Variants in STK32B observed in about 807,000 individuals in gnomAD.
STK32B encodes serine/threonine kinase 32B.
Under a neutral mutation model 52.6 loss-of-function variants are expected in STK32B, and 43 were observed. The observed-to-expected ratio is 0.82, with a 90% confidence interval of 0.64 to 1.05. STK32B has a LOEUF of 1.05. STK32B is among the 50% of genes least tolerant of loss of function. STK32B has a pLI of 0.00. For synonymous variants in STK32B, 238 were observed against 204.3 expected (o/e 1.17, Z -1.41); for missense variants, 621 against 534.6 (o/e 1.16, Z -1.59).
At chr4:5,183,553 A>G (rs1276600486) in intron 3 of STK32B, among the ~76,000 whole-genome samples, 1 of 152,196 alleles carries the variant, frequency 6.6e-6, no homozygotes, top group Non-Finnish European at 1.5e-5. Flanking sequence ...AAAGTCCTAG[A>G]TGGCATCTAC....
At chr4:5,085,884 A>C (rs1255919962) in intron 1 of STK32B, among the ~76,000 whole-genome samples, 1 of 152,288 alleles carries the variant, frequency 6.6e-6, no homozygotes, top group East Asian at 1.9e-4. Context: ...AGAGCAGAAG[A>C]GACCTTTTTC....
chr4:5,163,210 A>G (rs1051364015), intron 2 of STK32B, among the ~76,000 whole-genome samples: 1 of 152,174 alleles, frequency 6.6e-6, no homozygotes, highest in African/African-American at 2.4e-5. Flanking sequence ...TAATGTGGAG[A>G]GTCATGAGTG....
At chr4:5,138,214 T>C (rs562326281) in intron 1 of STK32B, among the ~76,000 whole-genome samples, 7 of 152,340 alleles carry the variant, frequency 4.6e-5, no homozygotes, top group Non-Finnish European at 8.8e-5. Context: ...GTCTCTCTAT[T>C]CTAAGCACGT....
intron 4 of STK32B, among the ~76,000 whole-genome samples, chr4:5,382,828 C>A (rs1057347785): frequency 6.6e-6 from 1 of 152,186 alleles, no homozygotes; most frequent in Non-Finnish European, 1.5e-5. Context: ...TACAGACAGA[C>A]ATGATTAGCT....
intron 1 of STK32B, among the ~76,000 whole-genome samples, chr4:5,052,995 C>A (rs1386009395): frequency 6.6e-6 from 1 of 152,214 alleles, no homozygotes; most frequent in Non-Finnish European, 1.5e-5. Context: ...GCAGGACAGT[C>A]TGCTTTGAAA....
chr4:5,155,955 A>G (rs1260349574), intron 2 of STK32B, among the ~76,000 whole-genome samples: 1 of 152,110 alleles, frequency 6.6e-6, no homozygotes, highest in Non-Finnish European at 1.5e-5. Context: ...ATATACATAT[A>G]CATAGATATG....
chr4:5,114,697 G>A (rs144789196), intron 1 of STK32B, among the ~76,000 whole-genome samples: 1 of 152,022 alleles, frequency 6.6e-6, no homozygotes, highest in East Asian at 1.9e-4. Flanking sequence ...CAAACAACTC[G>A]CTCCCGTCTT....
intron 3 of STK32B, among the ~76,000 whole-genome samples, chr4:5,246,027 T>C (rs1348069465): frequency 6.6e-6 from 1 of 152,202 alleles, no homozygotes; most frequent in Non-Finnish European, 1.5e-5. Context: ...ATTTCAACTT[T>C]GGTGAATCTG....
chr4:5,485,232 G>C (rs939626431), intron 11 of STK32B, among the ~76,000 whole-genome samples: 1 of 152,062 alleles, frequency 6.6e-6, no homozygotes, highest in Non-Finnish European at 1.5e-5. Context: ...ACACCAATCA[G>C]ATGTAGATTT....
At chr4:5,244,062 C>A (rs1317345898) in intron 3 of STK32B, among the ~76,000 whole-genome samples, 1 of 151,608 alleles carries the variant, frequency 6.6e-6, no homozygotes, top group African/African-American at 2.4e-5. Context: ...TGTCTCTGCT[C>A]AGCTTTGGTA....
intron 3 of STK32B, among the ~76,000 whole-genome samples, chr4:5,264,967 T>G (rs1726967856): frequency 6.6e-6 from 1 of 152,204 alleles, no homozygotes; most frequent in Admixed American, 6.5e-5. Context: ...CCATTTTTCT[T>G]CTTTATGTTC....
intron 3 of STK32B, among the ~76,000 whole-genome samples, chr4:5,309,231 G>C (rs138384129): frequency 6.6e-6 from 1 of 152,004 alleles, no homozygotes; most frequent in African/African-American, 2.4e-5. Context: ...AGCGATGAAA[G>C]AAAATGAAGA....
At chr4:5,409,666 C>T (rs1301592010) in intron 5 of STK32B, among the ~76,000 whole-genome samples, 1 of 152,074 alleles carries the variant, frequency 6.6e-6, no homozygotes, top group African/African-American at 2.4e-5. Flanking sequence ...ATGGGGGCAC[C>T]AGAATTAGCT....
intron 4 of STK32B, among the ~76,000 whole-genome samples, chr4:5,392,836 C>A (rs1242124551): frequency 6.6e-6 from 1 of 152,210 alleles, no homozygotes; most frequent in African/African-American, 2.4e-5. Flanking sequence ...CCCTGACACA[C>A]AACCAACACT....
chr4:5,259,741 G>T (rs1726574927), intron 3 of STK32B, among the ~76,000 whole-genome samples: 2 of 152,100 alleles, frequency 1.3e-5, no homozygotes, highest in Admixed American at 6.5e-5. Flanking sequence ...GAGCTCTGAG[G>T]CCCAACTCTT....
intron 11 of STK32B, among the ~76,000 whole-genome samples, chr4:5,479,039 G>A (rs1718456488): frequency 6.6e-6 from 1 of 152,092 alleles, no homozygotes; most frequent in Admixed American, 6.5e-5. Context: ...CCAGGGGGAG[G>A]CAGGAGACAG....
intron 3 of STK32B, among the ~76,000 whole-genome samples, chr4:5,319,851 G>T (rs1731370890): frequency 6.6e-6 from 1 of 152,182 alleles, no homozygotes; most frequent in African/African-American, 2.4e-5. Flanking sequence ...CTGACCTGCA[G>T]AGGATGTGGC....
chr4:5,077,773 C>T (rs181629462), intron 1 of STK32B, among the ~76,000 whole-genome samples: 3 of 152,194 alleles, frequency 2.0e-5, no homozygotes, highest in African/African-American at 7.2e-5. Flanking sequence ...AGTCTTAGAG[C>T]CCTGGAGAAT....
chr4:5,184,695 A>AAAAAGAAG (rs58321341), intron 3 of STK32B, among the ~76,000 whole-genome samples: 18 of 137,598 alleles, frequency 1.3e-4, no homozygotes, highest in South Asian at 4.6e-4. Flanking sequence ...AAAAAAAAAA[A>AAAAAGAAG]AAGAAGAAGA....
Sources: gnomAD v4.1 joint callset for allele counts (sites outside exome capture counted in the v4.1 genomes callset) on GRCh38, gnomAD v4.1.1 for gene constraint, MANE v1.5 for transcripts, NCBI Gene and HGNC (gene_info 2026-07-23, HGNC 2026-07-21) for gene names.